The following SLIT3 variants were observed in gnomAD, a reference collection of about 807,000 sequenced individuals.
The protein encoded by SLIT3 is slit homolog 3 protein.
Under a neutral mutation model 184.0 loss-of-function variants are expected in SLIT3, and 68 were observed. The observed-to-expected ratio is 0.37, with a 90% CI of 0.30 to 0.45. The LOEUF (loss-of-function observed/expected upper bound fraction) is 0.45, where lower values mean the gene tolerates loss of function less well. Ranked by LOEUF, SLIT3 falls within the 20% of genes least tolerant of loss-of-function variation. The pLI is 1.00. For synonymous variants in SLIT3, 831 were observed against 828.6 expected (o/e 1.00, Z -0.05); for missense variants, 1,707 against 2,026.0 (o/e 0.84, Z 3.02).
intron 9 of SLIT3, among the ~76,000 whole-genome samples, chr5:168,798,292 T>C (rs750128836): frequency 1.3e-5 from 2 of 150,134 alleles, no homozygotes; most frequent in Non-Finnish European, 3.0e-5. Context: ...GGTGTGATCA[T>C]GACTCACTGC....
chr5:168,680,660 C>T (rs1405793693), intron 32 of SLIT3, among the ~76,000 whole-genome samples: 1 of 152,118 alleles, frequency 6.6e-6, no homozygotes, highest in Non-Finnish European at 1.5e-5. Context: ...GGACTGGCCT[C>T]CTGGCCCCCT....
intron 3 of SLIT3, among the ~76,000 whole-genome samples, chr5:169,205,029 A>T (rs1302835902): frequency 2.0e-5 from 3 of 152,176 alleles, no homozygotes; most frequent in African/African-American, 7.2e-5. Context: ...ATGATGGAGG[A>T]AGAGAGGGGC....
At chr5:169,200,190 C>T (rs1177252529) in intron 3 of SLIT3, among the ~76,000 whole-genome samples, 1 of 152,234 alleles carries the variant, frequency 6.6e-6, no homozygotes, top group Non-Finnish European at 1.5e-5. Flanking sequence ...GCCACTAGGG[C>T]CTGGGCATGG....
At chr5:169,217,708 T>C (rs1238085011) in intron 3 of SLIT3, among the ~76,000 whole-genome samples, 1 of 152,190 alleles carries the variant, frequency 6.6e-6, no homozygotes, top group Non-Finnish European at 1.5e-5. Flanking sequence ...AATGAGCATA[T>C]GAATACAACA....
chr5:168,917,838 C>T (rs1002293535), intron 4 of SLIT3, among the ~76,000 whole-genome samples: 2 of 152,198 alleles, frequency 1.3e-5, no homozygotes, highest in African/African-American at 4.8e-5. Context: ...TTAGCTTTAT[C>T]AAGCTAATAC....
intron 3 of SLIT3, among the ~76,000 whole-genome samples, chr5:169,220,037 G>A (rs1345588): frequency 0.14 from 21,820 of 152,140 alleles, 1,910 homozygotes; most frequent in East Asian, 0.44. Context: ...CAATCCCAAT[G>A]ATGGGGATCC....
At chr5:168,710,151 C>T (rs1762507956) in intron 25 of SLIT3, 1 of 152,098 alleles carries the variant, frequency 6.6e-6, no homozygotes, top group Non-Finnish European at 1.5e-5. Context: ...AGTATTATGG[C>T]TTGGTGATAA....
intron 4 of SLIT3, among the ~76,000 whole-genome samples, chr5:168,942,431 T>C (rs1762360197): frequency 6.6e-6 from 1 of 152,268 alleles, no homozygotes. Context: ...ACAGTAGATA[T>C]TGTCTTTAAC....
At chr5:168,877,695 C>T (rs915705238) in intron 5 of SLIT3, among the ~76,000 whole-genome samples, 1 of 152,176 alleles carries the variant, frequency 6.6e-6, no homozygotes, top group African/African-American at 2.4e-5. Flanking sequence ...ACAAAGGCTG[C>T]CTGCCCAGCT....
intron 4 of SLIT3, among the ~76,000 whole-genome samples, chr5:168,962,285 A>G (rs148995290): frequency 7.5e-4 from 112 of 149,610 alleles, no homozygotes; most frequent in Middle Eastern, 3.4e-3. Flanking sequence ...TCTGCCTTGG[A>G]AATCAAACCA....
chr5:168,925,999 G>T (rs376765484), intron 4 of SLIT3, among the ~76,000 whole-genome samples: 3 of 152,180 alleles, frequency 2.0e-5, no homozygotes, highest in Non-Finnish European at 4.4e-5. Flanking sequence ...AGTGATCTAC[G>T]GAAGGCATGT....
intron 20 of SLIT3, among the ~76,000 whole-genome samples, chr5:168,735,475 G>T (rs1338833694): frequency 6.6e-6 from 1 of 152,132 alleles, no homozygotes; most frequent in Non-Finnish European, 1.5e-5. Context: ...GTGACCCTGG[G>T]TGAAGTACTT....
chr5:169,056,983 A>G (rs1298415626), intron 4 of SLIT3, among the ~76,000 whole-genome samples: 2 of 152,238 alleles, frequency 1.3e-5, no homozygotes, highest in East Asian at 1.9e-4. Context: ...TATCTGCCTT[A>G]CCTGTCTCCA....
At chr5:168,956,029 C>T (rs1762813869) in intron 4 of SLIT3, among the ~76,000 whole-genome samples, 1 of 152,122 alleles carries the variant, frequency 6.6e-6, no homozygotes, top group Non-Finnish European at 1.5e-5. Flanking sequence ...TGGTCCAATC[C>T]AAACTCTGGA....
rs541237171 is a variant in SLIT3 at position 169,291,522 on chromosome 5, G to A, written c.197+8991C>T. 1.1e-3 allele frequency among the ~76,000 whole-genome samples: 173 copies of A among 152,240 alleles called. 3 individuals carry two copies. The highest frequency in any genetic ancestry group is 4.6e-3 in the South Asian group (22 of 4,820). ...TCATGAATTTCTGTGACTGTACCAC[G>A]TTCCCATTTCTACGCACAGGGATCC... is the stretch of plus-strand genomic sequence containing the variant. On this transcript the variant is annotated intron_variant, in intron 1 of 35. Transcript: ENST00000519560.
At chr5:169,259,824 T>C (rs368964081) in intron 1 of SLIT3, among the ~76,000 whole-genome samples, 6 of 151,920 alleles carry the variant, frequency 3.9e-5, no homozygotes, top group African/African-American at 1.5e-4. Flanking sequence ...AAATGAAATA[T>C]AGCTTGGTCC....
At chr5:169,026,430 G>A (rs1413421704) in intron 4 of SLIT3, 1 of 152,188 alleles carries the variant, frequency 6.6e-6, no homozygotes, top group East Asian at 1.9e-4. Flanking sequence ...CATCTTTGCA[G>A]AGACAAGCAA....
chr5:168,743,189 T>C (rs1279763886), intron 20 of SLIT3, among the ~76,000 whole-genome samples: 1 of 152,168 alleles, frequency 6.6e-6, no homozygotes, highest in Non-Finnish European at 1.5e-5. Flanking sequence ...CATCTGAGGG[T>C]ACTGCGTACC....
chr5:168,666,799 A>T, intron 35 of SLIT3, 110 bp from the exon 36 acceptor site: 1 of 1,534,984 alleles, frequency 6.5e-7, no homozygotes, highest in South Asian at 1.2e-5. Context: ...GACTGTAAGA[A>T]TTTATTCACT....
Sources: allele counts gnomAD v4.1 joint callset (sites outside exome capture counted in the v4.1 genomes callset), GRCh38; gene constraint gnomAD v4.1.1; transcripts MANE v1.5; gene names NCBI Gene and HGNC (gene_info 2026-07-23, HGNC 2026-07-21).